GRIK2: variants seen among roughly 807,000 people sequenced by gnomAD.
The protein encoded by GRIK2 is glutamate receptor ionotropic, kainate 2.
In GRIK2, 32 loss-of-function variants were observed where a neutral mutation model predicts 100.3. That is an observed-to-expected ratio of 0.32 (90% CI 0.24 to 0.43). The LOEUF is 0.43. Ranked by LOEUF, GRIK2 falls within the 20% of genes least tolerant of loss-of-function variation. The probability of loss-of-function intolerance (pLI) is 1.00; values close to 1 mark genes in which losing one functional copy is unlikely to be tolerated. For missense variants in GRIK2, 843 were observed against 1,114.9 expected, an observed-to-expected ratio of 0.76 and a Z score of 3.47; for synonymous variants, 417 against 389.4, an observed-to-expected ratio of 1.07 and a Z score of -0.83.
chr6:101,966,815 A>T (rs898269234), intron 14 of GRIK2, among the ~76,000 whole-genome samples: 2 of 152,156 alleles, frequency 1.3e-5, no homozygotes, highest in Non-Finnish European at 2.9e-5. Context: ...GCTAAGTCTT[A>T]TAATCCAAGG....
intron 14 of GRIK2, among the ~76,000 whole-genome samples, chr6:101,953,164 T>C (rs956253505): frequency 1.3e-5 from 2 of 152,220 alleles, no homozygotes; most frequent in Non-Finnish European, 1.5e-5. Context: ...ATTTATCTGT[T>C]TATCAGAGGA....
intron 10 of GRIK2, among the ~76,000 whole-genome samples, chr6:101,855,649 A>G (rs1205569245): frequency 6.6e-6 from 1 of 152,172 alleles, no homozygotes; most frequent in Non-Finnish European, 1.5e-5. Context: ...ATAAAATGAG[A>G]AAGAGAGGGA....
intron 14 of GRIK2, among the ~76,000 whole-genome samples, chr6:102,028,725 C>CG (rs554808763): frequency 7.4e-6 from 1 of 135,558 alleles, no homozygotes; most frequent in Non-Finnish European, 1.7e-5. Flanking sequence ...ATTAAGAAAT[C>CG]GTTTTTTTTA....
At chr6:101,570,201 T>C (rs1414037895) in intron 2 of GRIK2, among the ~76,000 whole-genome samples, 1 of 152,072 alleles carries the variant, frequency 6.6e-6, no homozygotes, top group African/African-American at 2.4e-5. Flanking sequence ...GGAAAGATCA[T>C]TTTACCGCTA....
At chr6:101,398,847 G>A (rs1278193673) in intron 1 of GRIK2, 138 bp from the exon 2 acceptor site, 16 of 400,684 alleles carry the variant, frequency 4.0e-5, no homozygotes, top group Non-Finnish European at 6.1e-5. Flanking sequence ...AAGCTGTGCA[G>A]CAGTGCAGTA....
intron 2 of GRIK2, among the ~76,000 whole-genome samples, chr6:101,474,474 G>T (rs1772122479): frequency 6.6e-6 from 1 of 151,744 alleles, no homozygotes; most frequent in Admixed American, 6.6e-5. Context: ...TATAATAAAT[G>T]TTCTGAATAT....
intron 2 of GRIK2, among the ~76,000 whole-genome samples, chr6:101,599,244 A>G (rs189652847): frequency 6.6e-6 from 1 of 151,884 alleles, no homozygotes; most frequent in Admixed American, 6.6e-5. Flanking sequence ...TGCAAAGGAC[A>G]CCATTTTGTT....
intron 12 of GRIK2, among the ~76,000 whole-genome samples, chr6:101,897,659 T>G (rs929971950): frequency 1.3e-5 from 2 of 151,900 alleles, no homozygotes; most frequent in African/African-American, 2.4e-5. Context: ...ACATCTTTTA[T>G]ATGAACATAT....
intron 7 of GRIK2, among the ~76,000 whole-genome samples, chr6:101,687,794 T>A (rs184250063): frequency 4.0e-5 from 6 of 151,846 alleles, no homozygotes; most frequent in East Asian, 1.9e-4. Flanking sequence ...AGTTGAACAG[T>A]TCTAGTAGTT....
chr6:101,972,392 A>G (rs1415621731), intron 14 of GRIK2, among the ~76,000 whole-genome samples: 1 of 151,900 alleles, frequency 6.6e-6, no homozygotes, highest in Admixed American at 6.6e-5. Context: ...GTCTGCGTGT[A>G]TGTCTTCTTT....
At chr6:101,557,538 G>A (rs148127488) in intron 2 of GRIK2, among the ~76,000 whole-genome samples, 331 of 152,136 alleles carry the variant, frequency 2.2e-3, no homozygotes, top group Middle Eastern at 6.8e-3. Context: ...AATAAAGTGG[G>A]GTTTTCTTTT....
chr6:101,795,616 T>G (rs1780246987), intron 7 of GRIK2, among the ~76,000 whole-genome samples: 2 of 152,186 alleles, frequency 1.3e-5, no homozygotes, highest in African/African-American at 4.8e-5. Flanking sequence ...GCAGTAGTGA[T>G]GGTGGGACCA....
chr6:101,433,290 T>C (rs1051590609), intron 2 of GRIK2, among the ~76,000 whole-genome samples: 5 of 152,232 alleles, frequency 3.3e-5, no homozygotes, highest in African/African-American at 1.2e-4. Flanking sequence ...ATTTACCTTC[T>C]GGCAGGACTG....
intron 8 of GRIK2, among the ~76,000 whole-genome samples, chr6:101,800,985 C>T (rs1372017873): frequency 6.6e-6 from 1 of 152,044 alleles, no homozygotes; most frequent in Non-Finnish European, 1.5e-5. Flanking sequence ...AAATTTCTCT[C>T]AGGTCTCAGT....
chr6:102,035,447 C>G lies in GRIK2; in HGVS notation c.2192C>G (p.Ser731Cys). ...NEEGIQRVLT[S>C]DYAFLMESTT... is the part of the protein sequence containing the mutation. ...GAAGGAATCCAGCGAGTCCTCACCT[C>G]TGATTATGCTTTCCTAATGGAGTCA... Residue 731 changes from serine to cysteine, a missense_variant, in exon 15 of 17, where the codon TCT becomes TGT. By Grantham distance (112) the Ser-to-Cys change is moderately radical (BLOSUM62 -1). Around this residue, in one of 3 missense-constraint regions of GRIK2, gnomAD observed 237 missense variants for 388.0 expected, o/e 0.61. Coordinates refer to ENST00000369134, the MANE Select transcript of GRIK2 (RefSeq NM_021956.5). 6.2e-7 allele frequency: 1 copy of G among 1,608,506 alleles called. No individual in the cohort carries two copies. The highest frequency in any genetic ancestry group is 8.5e-7 in the Non-Finnish European group (1 of 1,175,836).
intron 12 of GRIK2, among the ~76,000 whole-genome samples, chr6:101,918,115 A>G (rs1789237716): frequency 6.6e-6 from 1 of 151,674 alleles, no homozygotes; most frequent in African/African-American, 2.4e-5. Flanking sequence ...ATTACCGTTA[A>G]CTGCTGTTAA....
At chr6:101,906,407 G>A (rs1049716997) in intron 12 of GRIK2, among the ~76,000 whole-genome samples, 1 of 36,388 alleles carries the variant, frequency 2.7e-5, no homozygotes, top group Non-Finnish European at 7.7e-5. Flanking sequence ...TAAACCTTGG[G>A]ATAAAGACTG....
chr6:102,011,841 C>T (rs963623952), intron 14 of GRIK2, among the ~76,000 whole-genome samples: 31 of 152,156 alleles, frequency 2.0e-4, no homozygotes. Flanking sequence ...CCGCCTTGGC[C>T]TCCCAAAGGG....
intron 14 of GRIK2, among the ~76,000 whole-genome samples, chr6:101,975,781 G>A (rs997942675): frequency 3.6e-5 from 4 of 110,964 alleles, no homozygotes; most frequent in African/African-American, 1.6e-4. Flanking sequence ...GTGTCTATCT[G>A]TCTGTCTGTC....
Sources: allele counts gnomAD v4.1 joint callset (sites outside exome capture counted in the v4.1 genomes callset), GRCh38; gene constraint gnomAD v4.1.1; regional missense constraint gnomAD v4.1.1; transcripts MANE v1.5; gene names NCBI Gene and HGNC (gene_info 2026-07-23, HGNC 2026-07-21).